Variants in PPM1H observed in about 807,000 individuals in gnomAD.
The protein encoded by PPM1H is protein phosphatase, Mg2+/Mn2+ dependent 1H.
In PPM1H, 27 loss-of-function variants were observed where a neutral mutation model predicts 54.9. That is an observed-to-expected ratio of 0.49 (90% CI 0.36 to 0.68). PPM1H has a LOEUF of 0.68. PPM1H is among the 30% of genes least tolerant of loss of function. The pLI is 0.00. For missense variants in PPM1H, 596 were observed against 667.8 expected (o/e 0.89, Z 1.19); for synonymous variants, 305 against 270.8 (o/e 1.13, Z -1.24).
At chr12:62,705,168 C>T (rs909171649) in intron 6 of PPM1H, among the ~76,000 whole-genome samples, 7 of 152,262 alleles carry the variant, frequency 4.6e-5, no homozygotes, top group African/African-American at 9.6e-5. Flanking sequence ...TGATATACAC[C>T]GATATTTTCT....
At chr12:62,813,671 G>A (rs2076849393) in intron 2 of PPM1H, among the ~76,000 whole-genome samples, 1 of 152,190 alleles carries the variant, frequency 6.6e-6, no homozygotes, top group African/African-American at 2.4e-5. Flanking sequence ...TCCCAGGAAT[G>A]ACAATCCAGT....
chr12:62,726,747 G>A (rs892444025), intron 5 of PPM1H, among the ~76,000 whole-genome samples: 26 of 152,176 alleles, frequency 1.7e-4, no homozygotes, highest in African/African-American at 6.0e-4. Context: ...GACCATGACT[G>A]GCTAGAATTA....
chr12:62,911,402 T>C (rs1871456006), intron 1 of PPM1H, among the ~76,000 whole-genome samples: 1 of 152,234 alleles, frequency 6.6e-6, no homozygotes. Flanking sequence ...CTGTTAGTTT[T>C]TCTTGCATAT....
chr12:62,912,330 A>C (rs1871485471), intron 1 of PPM1H, among the ~76,000 whole-genome samples: 2 of 152,250 alleles, frequency 1.3e-5, no homozygotes, highest in Non-Finnish European at 2.9e-5. Flanking sequence ...CTTGCGGGCT[A>C]CATTATGGTG....
intron 1 of PPM1H, among the ~76,000 whole-genome samples, chr12:62,900,012 C>T (rs1401754156): frequency 6.6e-6 from 1 of 152,202 alleles, no homozygotes; most frequent in South Asian, 2.1e-4. Flanking sequence ...AGTTTACAAC[C>T]TGGGAGAAGG....
intron 1 of PPM1H, among the ~76,000 whole-genome samples, chr12:62,888,572 G>C (rs529234030): frequency 5.3e-5 from 8 of 152,204 alleles, no homozygotes; most frequent in East Asian, 1.9e-4. Context: ...ATAAGAAAAG[G>C]GTGTTTCAAG....
At chr12:62,820,345 AG>A (rs2120812016) in intron 2 of PPM1H, among the ~76,000 whole-genome samples, 1 of 152,374 alleles carries the variant, frequency 6.6e-6, no homozygotes, top group East Asian at 1.9e-4. Flanking sequence ...AACAAAAGGC[AG>A]CAGAAACTTC....
At chr12:62,905,129 G>C (rs946851782) in intron 1 of PPM1H, among the ~76,000 whole-genome samples, 11 of 152,086 alleles carry the variant, frequency 7.2e-5, no homozygotes, top group African/African-American at 2.7e-4. Context: ...CATCTCATAG[G>C]GTTGTTACAA....
At chr12:62,792,077 C>T (rs1020243631) in intron 3 of PPM1H, among the ~76,000 whole-genome samples, 14 of 152,204 alleles carry the variant, frequency 9.2e-5, no homozygotes, top group African/African-American at 3.4e-4. Context: ...GGGCCGTCCA[C>T]GGCAACAAAT....
At chr12:62,815,821 G>A (rs1020516498) in intron 2 of PPM1H, among the ~76,000 whole-genome samples, 1 of 152,078 alleles carries the variant, frequency 6.6e-6, no homozygotes, top group Non-Finnish European at 1.5e-5. Flanking sequence ...TTCAAACTCA[G>A]GTATTCATGC....
chr12:62,906,367 GGA>G (rs1277201721), intron 1 of PPM1H, among the ~76,000 whole-genome samples: 1 of 152,176 alleles, frequency 6.6e-6, no homozygotes, highest in Non-Finnish European at 1.5e-5. Flanking sequence ...CATAATCACT[GGA>G]TCTTTGTGTG....
chr12:62,659,179 G>C (rs527540618), intron 9 of PPM1H: 1 of 673,812 alleles, frequency 1.5e-6, no homozygotes, highest in South Asian at 1.4e-5. Flanking sequence ...CTGGCCATCA[G>C]AGTCACCAAC....
chr12:62,933,256 G>T (rs1295352124), intron 1 of PPM1H, among the ~76,000 whole-genome samples: 1 of 152,154 alleles, frequency 6.6e-6, no homozygotes, highest in Admixed American at 6.5e-5. Flanking sequence ...TTTATAGGAT[G>T]ATGGGAGAAG....
At chr12:62,732,246 GA>G (rs2076325549) in intron 5 of PPM1H, among the ~76,000 whole-genome samples, 1 of 152,152 alleles carries the variant, frequency 6.6e-6, no homozygotes, top group African/African-American at 2.4e-5. Context: ...GAGAATCTAT[GA>G]AACAAAGTTC....
In PPM1H at chr12:62,860,195, G is replaced by A. The variant is rs1208112936; in HGVS notation, c.246-27916C>T. 3.3e-5 allele frequency among the ~76,000 whole-genome samples: 5 copies of A among 152,124 alleles called. No individual in the cohort carries two copies. In the East Asian group the frequency reaches 5.8e-4, roughly 18 times the overall value. ...AAGGAGGAGTGCAAAGCAAAGGGGG[G>A]AAAGTCCCTTATAAAACCATTACCA... On this transcript the variant is annotated intron_variant, in intron 1 of 9. Coordinates refer to ENST00000228705, the MANE Select transcript of PPM1H (RefSeq NM_020700.2).
intron 1 of PPM1H, among the ~76,000 whole-genome samples, chr12:62,867,562 C>CTTT (rs1481926545): frequency 7.9e-5 from 8 of 101,870 alleles, no homozygotes; most frequent in South Asian, 3.1e-4. Context: ...CTTATGAGCA[C>CTTT]TATTTTTTTT....
At chr12:62,818,126 A>G (rs2120801849) in intron 2 of PPM1H, among the ~76,000 whole-genome samples, 1 of 152,342 alleles carries the variant, frequency 6.6e-6, no homozygotes, top group East Asian at 1.9e-4. Context: ...GGTTATGGCC[A>G]CAATACCCTA....
At chr12:62,758,174 A>G (rs1223908327) in intron 4 of PPM1H, among the ~76,000 whole-genome samples, 1 of 152,208 alleles carries the variant, frequency 6.6e-6, no homozygotes, top group Non-Finnish European at 1.5e-5. Context: ...GGCTGGAATC[A>G]CTCAGTCATC....
At chr12:62,858,450 T>TTTG (rs1027576973) in intron 1 of PPM1H, among the ~76,000 whole-genome samples, 12 of 102,538 alleles carry the variant, frequency 1.2e-4, no homozygotes, top group African/African-American at 2.5e-4. Context: ...AAATGCTTTT[T>TTTG]TTGTTGTTGT....
Sources: gnomAD v4.1 joint callset for allele counts (sites outside exome capture counted in the v4.1 genomes callset) on GRCh38, gnomAD v4.1.1 for gene constraint, MANE v1.5 for transcripts, NCBI Gene and HGNC (gene_info 2026-07-23, HGNC 2026-07-21) for gene names.